NTNG1: variants seen among roughly 807,000 people sequenced by gnomAD.
The protein encoded by NTNG1 is netrin-G1.
A neutral mutation model predicts 54.0 loss-of-function variants in NTNG1; 16 were observed. The ratio of observed to expected loss-of-function variants is 0.30; its 90% CI spans 0.20 to 0.45. The LOEUF is 0.45. NTNG1 is among the 20% of genes least tolerant of loss of function. NTNG1 has a pLI of 1.00. For synonymous variants in NTNG1, 255 were observed against 263.1 expected, an observed-to-expected ratio of 0.97 and a Z score of 0.30; for missense variants, 530 against 678.7, an observed-to-expected ratio of 0.78 and a Z score of 2.43.
intron 4 of NTNG1, among the ~76,000 whole-genome samples, chr1:107,398,841 A>G (rs1466672035): frequency 6.6e-6 from 1 of 152,118 alleles, no homozygotes; most frequent in Admixed American, 6.6e-5. Flanking sequence ...CTTCCAAGTA[A>G]TAGCAATTCT....
chr1:107,245,075 A>G (rs902040712), intron 2 of NTNG1, among the ~76,000 whole-genome samples: 3 of 152,194 alleles, frequency 2.0e-5, no homozygotes, highest in South Asian at 2.1e-4. Flanking sequence ...AAAAAGACCC[A>G]TAAGTGTTCA....
intron 2 of NTNG1, among the ~76,000 whole-genome samples, chr1:107,150,705 T>C (rs1167623707): frequency 1.3e-5 from 2 of 152,156 alleles, no homozygotes; most frequent in Admixed American, 1.3e-4. Context: ...AGAGAATGCT[T>C]GCTTAGCACT....
chr1:107,396,955 T>C (rs1337846498), intron 4 of NTNG1, among the ~76,000 whole-genome samples: 1 of 152,174 alleles, frequency 6.6e-6, no homozygotes, highest in Non-Finnish European at 1.5e-5. Context: ...TACTTTGAAG[T>C]TTTTATTTCA....
At chr1:107,428,573 C>T (rs1557991902) in intron 5 of NTNG1, among the ~76,000 whole-genome samples, 2 of 152,046 alleles carry the variant, frequency 1.3e-5, no homozygotes, top group Admixed American at 6.6e-5. Flanking sequence ...AGACCTCTTC[C>T]AGAGGAGGCG....
intron 2 of NTNG1, among the ~76,000 whole-genome samples, chr1:107,190,889 A>G (rs1657861320): frequency 6.6e-6 from 1 of 152,088 alleles, no homozygotes; most frequent in African/African-American, 2.4e-5. Context: ...ATAAACATAC[A>G]TGTGCATGTG....
chr1:107,175,413 G>A (rs1656572239), intron 2 of NTNG1, among the ~76,000 whole-genome samples: 1 of 152,132 alleles, frequency 6.6e-6, no homozygotes, highest in Admixed American at 6.5e-5. Flanking sequence ...TGTTTCCCTA[G>A]GTAGCCATCA....
chr1:107,460,366 G>T (rs1677206366), intron 7 of NTNG1: 2 of 518,504 alleles, frequency 3.9e-6, no homozygotes, highest in Admixed American at 3.9e-5. Flanking sequence ...TTTCTCCTCA[G>T]CTTTCCTTCT....
At chr1:107,463,798 A>C (rs1029724218) in intron 7 of NTNG1, among the ~76,000 whole-genome samples, 14 of 152,152 alleles carry the variant, frequency 9.2e-5, no homozygotes, top group Non-Finnish European at 1.2e-4. Context: ...ACTAAATTAT[A>C]GTCCTTATTT....
chr1:107,390,469 A>G (rs1445582310), intron 3 of NTNG1, among the ~76,000 whole-genome samples: 2 of 152,176 alleles, frequency 1.3e-5, no homozygotes, highest in Admixed American at 6.5e-5. Context: ...CAGTCATCTG[A>G]TGAATCCCCT....
rs534169557 is a variant in NTNG1 at position 107,351,766 on chromosome 1, T to C, written c.887+26844T>C. 9.2e-5 allele frequency among the ~76,000 whole-genome samples: 14 copies of C among 152,332 alleles called. 1 individual carries two copies. In the East Asian group the frequency reaches 1.9e-3, roughly 21 times the overall value. ...TCATTCCAGCATTAACTCAAAAGTC[T>C]GAAGTCCAAAGTCTCATCTGAGATA... is the stretch of plus-strand genomic sequence containing the variant. On this transcript the variant is annotated intron_variant, in intron 3 of 7. Coordinates refer to ENST00000370068, the MANE Select transcript of NTNG1 (RefSeq NM_001113226.3).
At chr1:107,209,691 T>C (rs551247782) in intron 2 of NTNG1, among the ~76,000 whole-genome samples, 27 of 152,206 alleles carry the variant, frequency 1.8e-4, no homozygotes, top group Non-Finnish European at 3.5e-4. Flanking sequence ...CTAAGAATTC[T>C]CTATCCTCTT....
intron 2 of NTNG1, among the ~76,000 whole-genome samples, chr1:107,296,041 A>T (rs1449098304): frequency 6.6e-6 from 1 of 151,966 alleles, no homozygotes; most frequent in Non-Finnish European, 1.5e-5. Context: ...GCCTCAGTTG[A>T]TCCTCTTAAT....
chr1:107,382,613 C>T (rs2101038504), intron 3 of NTNG1, among the ~76,000 whole-genome samples: 1 of 152,162 alleles, frequency 6.6e-6, no homozygotes, highest in South Asian at 2.1e-4. Context: ...GACATCATTG[C>T]TGTTCTTCAT....
At position 107,337,404 on chromosome 1, in the gene NTNG1, A is replaced by T. The variant is rs569692702; in HGVS notation, c.887+12482A>T. Among the ~76,000 whole-genome samples the T allele has an allele frequency of 2.0e-5, 3 of 152,154 alleles. No individual in the cohort carries two copies. The South Asian group carries it at 6.2e-4, about 32-fold the overall frequency. On this transcript the variant is annotated intron_variant, in intron 3 of 7. Transcript: ENST00000370068. The stretch of plus-strand genomic sequence containing the variant: ...GATATGCAACTTATATGAGTGTCCT[A>T]GAGTAAGCAAATTCATAGAAATAAA...
chr1:107,460,607 T>G (rs1558016346), intron 7 of NTNG1, among the ~76,000 whole-genome samples: 1 of 152,214 alleles, frequency 6.6e-6, no homozygotes, highest in African/African-American at 2.4e-5. Context: ...CTGTAATTAT[T>G]CGATAGCTTC....
At chr1:107,220,848 T>A (rs1660292999) in intron 2 of NTNG1, among the ~76,000 whole-genome samples, 1 of 152,114 alleles carries the variant, frequency 6.6e-6, no homozygotes. Context: ...ATACAGAAAA[T>A]GAGTAAAAAT....
intron 5 of NTNG1, chr1:107,409,790 G>C (rs968449272): frequency 6.6e-6 from 1 of 152,100 alleles, no homozygotes; most frequent in East Asian, 1.9e-4. Flanking sequence ...CATCACACAT[G>C]ACTAGCTTAC....
chr1:107,384,884 T>C (rs1025561411), intron 3 of NTNG1, among the ~76,000 whole-genome samples: 2 of 152,220 alleles, frequency 1.3e-5, no homozygotes, highest in African/African-American at 4.8e-5. Context: ...TAAACTTTGG[T>C]CATTGCATAT....
Position 107,480,669 on chromosome 1 carries a change from C to A in NTNG1, c.1449C>A (p.Asn483Lys). 7.1e-7 allele frequency: 1 copy of A among 1,407,492 alleles called. No homozygotes were observed. Among genetic ancestry groups the A allele is most frequent in the Non-Finnish European group, 9.5e-7 (1 of 1,051,066 alleles). The allele number at this position is 1,407,492 out of a possible 1,614,324, so 87.2% of individuals were successfully genotyped here. Residue 483 changes from asparagine to lysine, a missense_variant, in exon 8 of 8, where the codon AAC (asparagine) becomes AAA (lysine). Asn to Lys is a moderately conservative substitution (Grantham distance 94). Around this residue, in one of 2 missense-constraint regions of NTNG1, gnomAD observed 212 missense variants for 213.6 expected, o/e 0.99. Transcript: ENST00000370068. ...AGAACGGAGGGACGTGCCACAACAA[C>A]GTGCGCTGCCTGTGCCCGGCCGCAT... ...HCQNGGTCHN[N>K]VRCLCPAAYT...
Sources: gnomAD v4.1 joint callset for allele counts (sites outside exome capture counted in the v4.1 genomes callset) on GRCh38, gnomAD v4.1.1 for gene constraint, gnomAD v4.1.1 regional missense constraint, MANE v1.5 for transcripts, NCBI Gene and HGNC (gene_info 2026-07-23, HGNC 2026-07-21) for gene names.